Variants in ATP2C1 observed in about 807,000 individuals in gnomAD.
ATP2C1 encodes ATPase secretory pathway Ca2+ transporting 1.
ATP2C1 carries 31 observed loss-of-function variants against 120.5 expected under a neutral mutation model. That is an observed-to-expected ratio of 0.26 (90% CI 0.19 to 0.35). The LOEUF (loss-of-function observed/expected upper bound fraction) is 0.35, where lower values mean the gene tolerates loss of function less well. ATP2C1 is among the 10% of genes least tolerant of loss of function. The pLI is 1.00. For missense variants in ATP2C1, 731 were observed against 1,107.5 expected (o/e 0.66, Z 4.83); for synonymous variants, 351 against 358.7 (o/e 0.98, Z 0.24).
At chr3:130,982,684 C>T (rs1378428284) in intron 20 of ATP2C1, among the ~76,000 whole-genome samples, 1 of 152,172 alleles carries the variant, frequency 6.6e-6, no homozygotes, top group Non-Finnish European at 1.5e-5. Flanking sequence ...ATTTATTTTA[C>T]ACTTACAACT....
At chr3:130,929,483 G>T (rs1418598112) in intron 2 of ATP2C1, among the ~76,000 whole-genome samples, 1 of 152,134 alleles carries the variant, frequency 6.6e-6, no homozygotes, top group East Asian at 1.9e-4. Flanking sequence ...ATTATCCAAG[G>T]TTGAAAAGAT....
chr3:130,905,289 A>G (rs2058070831), intron 2 of ATP2C1, among the ~76,000 whole-genome samples: 1 of 152,100 alleles, frequency 6.6e-6, no homozygotes, highest in Admixed American at 6.6e-5. Context: ...CCATCTATGT[A>G]TATAAATAAA....
chr3:131,005,782 T>C (rs72987815), downstream of ATP2C1, among the ~76,000 whole-genome samples: 569 of 152,354 alleles, frequency 3.7e-3, 2 homozygotes, highest in African/African-American at 0.013. Context: ...CAAACAGTTG[T>C]GTAAATTCAA....
At chr3:130,921,835 C>G (rs2058980873) in intron 2 of ATP2C1, among the ~76,000 whole-genome samples, 1 of 152,084 alleles carries the variant, frequency 6.6e-6, no homozygotes, top group Admixed American at 6.6e-5. Flanking sequence ...GGTGTATTAC[C>G]TTTTTGATAG....
At chr3:130,946,317 T>C (rs1337860323) in intron 8 of ATP2C1, among the ~76,000 whole-genome samples, 1 of 152,254 alleles carries the variant, frequency 6.6e-6, no homozygotes, top group East Asian at 1.9e-4. Flanking sequence ...TTTAATCTCA[T>C]GAATCCTTGT....
At position 130,979,253 on chromosome 3, in the gene ATP2C1, T is replaced by C; in HGVS notation, c.1575T>C (p.Leu525=). ...TGGATTTTATTATTTCCTAAGTTCT[T>C]GCTTTGGCTTCTGGTCCTGAACTGG... ...ARMGSAGLRV[L]ALASGPELGQ... is the part of the protein sequence containing the mutation. The change falls in exon 19 of 28, where the codon CTT becomes CTC. Residue 525 remains leucine, a synonymous_variant. Coordinates refer to ENST00000510168, the MANE Select transcript of ATP2C1 (RefSeq NM_001378687.1). The C allele has an allele frequency of 2.5e-6, 4 of 1,613,708 alleles. No individual in the cohort carries two copies. The highest frequency in any genetic ancestry group is 3.4e-6 in the Non-Finnish European group (4 of 1,179,700).
chr3:130,899,551 T>A lies in ATP2C1; in HGVS notation c.6+4776T>A, dbSNP rs886994724. Reference sequence around the variant, plus strand: ...TGCTGTCTCGGGTGACAGAAGCAAATCTGAGTATAAGTAGACCTTTACAGT... The same window carrying A: ...TGCTGTCTCGGGTGACAGAAGCAAAACTGAGTATAAGTAGACCTTTACAGT... On this transcript the variant is annotated intron_variant, in intron 2 of 27. Transcript: ENST00000510168. 2.6e-5 allele frequency: 4 copies of A among 152,216 alleles called. No homozygotes were observed. In the East Asian group the frequency reaches 7.7e-4, roughly 29 times the overall value. The allele number at this position is 152,216 out of a possible 1,614,324, so 9.4% of individuals were successfully genotyped here.
intron 2 of ATP2C1, among the ~76,000 whole-genome samples, chr3:130,923,384 G>T (rs1414948710): frequency 6.6e-6 from 1 of 151,842 alleles, no homozygotes; most frequent in African/African-American, 2.4e-5. Context: ...ACACCACCAT[G>T]CCTGGCTAAT....
intron 2 of ATP2C1, among the ~76,000 whole-genome samples, chr3:130,905,356 T>G (rs2058074663): frequency 6.6e-6 from 1 of 152,082 alleles, no homozygotes; most frequent in South Asian, 2.1e-4. Context: ...ATTTTGGTCT[T>G]TTTTCCTGTT....
chr3:130,999,515 C>T lies in ATP2C1; in HGVS notation c.2488-3C>T, dbSNP rs1409479072. On this transcript the variant is annotated splice_polypyrimidine_tract_variant and splice_region_variant and intron_variant, in intron 26 of 27. Transcript: ENST00000510168. ...ATAAATGAACTCTCTGCTCTGCCAACAGACCAAGTCTGTGTTTGAGATTGG... is the reference window on the plus strand; with the variant it reads ...ATAAATGAACTCTCTGCTCTGCCAATAGACCAAGTCTGTGTTTGAGATTGG... The T allele has an allele frequency of 1.2e-6, 2 of 1,613,412 alleles. No homozygotes were observed. The highest frequency in any genetic ancestry group is 3.3e-5 in the Admixed American group (2 of 59,998).
At chr3:130,914,763 C>T (rs748810188) in intron 2 of ATP2C1, among the ~76,000 whole-genome samples, 1 of 152,204 alleles carries the variant, frequency 6.6e-6, no homozygotes, top group Non-Finnish European at 1.5e-5. Flanking sequence ...GACTAACTTG[C>T]TTGACTAAGA....
At chr3:130,988,187 G>C (rs2062116528) in intron 20 of ATP2C1, among the ~76,000 whole-genome samples, 1 of 152,092 alleles carries the variant, frequency 6.6e-6, no homozygotes, top group South Asian at 2.1e-4. Flanking sequence ...TAGAAGATTT[G>C]AGGATCTTCG....
At chr3:130,986,393 G>GCTTT (rs1292801664) in intron 20 of ATP2C1, among the ~76,000 whole-genome samples, 3 of 152,070 alleles carry the variant, frequency 2.0e-5, no homozygotes, top group African/African-American at 7.2e-5. Context: ...CATTTTATTT[G>GCTTT]CTTTCTTCAG....
At chr3:130,871,293 A>G (rs1027232988) in intron 1 of ATP2C1, among the ~76,000 whole-genome samples, 1 of 152,220 alleles carries the variant, frequency 6.6e-6, no homozygotes, top group Non-Finnish European at 1.5e-5. Flanking sequence ...TCACTCTTAG[A>G]ATTGAGTACT....
chr3:130,936,629 G>A (rs934474708), intron 5 of ATP2C1, among the ~76,000 whole-genome samples: 41 of 151,788 alleles, frequency 2.7e-4, no homozygotes, highest in African/African-American at 8.7e-4. Context: ...TGGCTAACAT[G>A]GTGAAACCCC....
chr3:130,895,670 G>A (rs1221172441), intron 2 of ATP2C1, among the ~76,000 whole-genome samples: 2 of 152,128 alleles, frequency 1.3e-5, no homozygotes, highest in Non-Finnish European at 2.9e-5. Context: ...AAAAATATGT[G>A]TCTGGTATAA....
chr3:130,922,072 T>C (rs2058994547), intron 2 of ATP2C1, among the ~76,000 whole-genome samples: 1 of 152,196 alleles, frequency 6.6e-6, no homozygotes, highest in Admixed American at 6.5e-5. Flanking sequence ...AATTCAGCTG[T>C]AGATCCATCT....
intron 1 of ATP2C1, among the ~76,000 whole-genome samples, chr3:130,857,260 T>C (rs1050581897): frequency 3.9e-5 from 6 of 152,250 alleles, no homozygotes; most frequent in African/African-American, 1.2e-4. Context: ...AGAGTTATCA[T>C]TGATAGCTTG....
At position 130,988,839 on chromosome 3, in the gene ATP2C1, G is replaced by A. The variant is rs190619329; in HGVS notation, c.1840-4112G>A. ...GTAGTCTCCACTTCAGCCTCTGATT[G>A]GCTGGGGACCAAGTCTCCACTTCAG... On this transcript the variant is annotated intron_variant, in intron 20 of 27. Transcript: ENST00000510168. Among the ~76,000 whole-genome samples, 46 of 152,300 alleles carry A rather than the reference G, an allele frequency of 3.0e-4. No individual in the cohort carries two copies. The East Asian group carries it at 6.8e-3, about 22-fold the overall frequency.
Sources: gnomAD v4.1 joint callset for allele counts (sites outside exome capture counted in the v4.1 genomes callset) on GRCh38, gnomAD v4.1.1 for gene constraint, MANE v1.5 for transcripts, NCBI Gene and HGNC (gene_info 2026-07-23, HGNC 2026-07-21) for gene names.